Variants in NUP160 observed in about 807,000 individuals in gnomAD.
NUP160 encodes the protein nucleoporin 160.
NUP160 carries 94 observed loss-of-function variants against 196.9 expected under a neutral mutation model. The observed-to-expected ratio is 0.48, with a 90% CI of 0.40 to 0.57. The LOEUF is 0.57. Ranked by LOEUF, NUP160 falls within the 20% of genes least tolerant of loss-of-function variation. The probability of loss-of-function intolerance (pLI) is 0.00; values close to 1 mark genes in which losing one functional copy is unlikely to be tolerated. For synonymous variants in NUP160, 605 were observed against 619.7 expected (o/e 0.98, Z 0.35); for missense variants, 1,638 against 1,748.3 (o/e 0.94, Z 1.13).
chr11:47,778,919 T>C, exon 36 of NUP160: 1 of 512,814 alleles, frequency 2.0e-6, no homozygotes, highest in Non-Finnish European at 3.5e-6. Context: ...GAAATTGTGT[T>C]AGCACCACCA....
intron 18 of NUP160, among the ~76,000 whole-genome samples, chr11:47,807,712 A>C (rs1047769676): frequency 6.6e-6 from 1 of 152,120 alleles, no homozygotes; most frequent in Non-Finnish European, 1.5e-5. Flanking sequence ...GGATTTGGCT[A>C]TAAAGAAGCT....
chr11:47,835,679 A>G (rs1475697831), exon 7 of NUP160: 2 of 1,596,480 alleles, frequency 1.3e-6, no homozygotes, highest in East Asian at 4.5e-5. Context: ...ATGCATGTAT[A>G]TCCCCAGGTA....
intron 10 of NUP160, 88 bp from the exon 11 acceptor site, chr11:47,818,212 A>G (rs2076213050): frequency 1.2e-6 from 1 of 808,940 alleles, no homozygotes; most frequent in Non-Finnish European, 2.1e-6. Flanking sequence ...TTTCTACTAT[A>G]TGAACATTGC....
At chr11:47,780,101 T>C (rs2097659797) in intron 35 of NUP160, among the ~76,000 whole-genome samples, 1 of 152,200 alleles carries the variant, frequency 6.6e-6, no homozygotes, top group Non-Finnish European at 1.5e-5. Flanking sequence ...CTTTAAAGGA[T>C]GGACCGACTG....
At chr11:47,842,611 T>C (rs1201269786) in intron 2 of NUP160, among the ~76,000 whole-genome samples, 1 of 152,160 alleles carries the variant, frequency 6.6e-6, no homozygotes. Flanking sequence ...AGATACCACC[T>C]GCTACCCATG....
chr11:47,830,340 C>T (rs1852048490), intron 7 of NUP160, among the ~76,000 whole-genome samples: 1 of 152,212 alleles, frequency 6.6e-6, no homozygotes, highest in Admixed American at 6.5e-5. Context: ...TACCATTCCA[C>T]TCAGCAATCC....
chr11:47,804,710 CT>C, intron 20 of NUP160, 92 bp from the exon 21 acceptor site: 1 of 799,264 alleles, frequency 1.3e-6, no homozygotes, highest in Non-Finnish European at 1.9e-6. Flanking sequence ...CATAAAATAG[CT>C]TAATTTACAT....
chr11:47,804,538 A>C lies in NUP160; in HGVS notation c.2676+11T>G, dbSNP rs11039402. 0.43 allele frequency: 647,505 copies of C among 1,512,470 alleles called. 144,843 individuals carry two copies. The highest frequency in any genetic ancestry group is 0.53 in the South Asian group (40,129 of 75,936). 93.7% of individuals were successfully genotyped at this position (1,512,470 alleles called of 1,614,324 possible). A position where few individuals can be genotyped will look rare whatever the true frequency, so the allele number is the denominator to read the frequency against. On this transcript the variant is annotated intron_variant, in intron 21 of 35. Coordinates refer to ENST00000378460, the Ensembl canonical transcript of NUP160. ...AGAATGTGTAGACATGAAATGTTCA[A>C]AGGAACTCACCTGCAATTGTACATA...
chr11:47,780,010 G>A lies in NUP160; in HGVS notation c.4221+333C>T, dbSNP rs139614510. On this transcript the variant is annotated intron_variant, in intron 35 of 35. Transcript: ENST00000378460. ...CTTCCAAAGTGCTGGGATTATAGGC[G>A]TGAGCCACTGCGCCCGGCCTATCAT... Among the ~76,000 whole-genome samples, 486 of 152,276 alleles carry A rather than the reference G, an allele frequency of 3.2e-3. 4 individuals carry two copies. The highest frequency in any genetic ancestry group is 0.021 in the East Asian group (111 of 5,194).
intron 2 of NUP160, among the ~76,000 whole-genome samples, chr11:47,846,594 G>T (rs888628771): frequency 3.3e-5 from 5 of 151,984 alleles, no homozygotes; most frequent in South Asian, 2.1e-4. Context: ...TCTTCCAAAG[G>T]TATCTTGAAT....
intron 22 of NUP160, among the ~76,000 whole-genome samples, 163 bp downstream of exon 22, chr11:47,803,275 C>T (rs569800903): frequency 1.2e-4 from 18 of 151,188 alleles, no homozygotes; most frequent in Non-Finnish European, 2.1e-4. Context: ...GAAAGTAGTC[C>T]TTACATGTAT....
rs572108107 is a variant in NUP160 at position 47,824,700 on chromosome 11, A to G, written c.1102-2536T>C. ...GTTACCCAAGCTGCAGTGCAGTGAC[A>G]TGATCGTAGCTCAACGTTAACCTCC... On this transcript the variant is annotated intron_variant, in intron 7 of 35. Coordinates refer to ENST00000378460, the Ensembl canonical transcript of NUP160. Among the ~76,000 whole-genome samples the G allele has an allele frequency of 1.1e-4, 16 of 152,166 alleles. No individual in the cohort carries two copies. The South Asian group carries it at 3.1e-3, about 30-fold the overall frequency.
rs1245239854 is a variant in NUP160, at chr11:47,821,656, G to A, written c.1277+68C>T. ...ATTACAGGCATGAGACACGGCGCCC[G>A]GCCTCTCGTCTTCTTAGCATGAAAT... On this transcript the variant is annotated intron_variant, in intron 9 of 35. Coordinates refer to ENST00000378460, the Ensembl canonical transcript of NUP160. 22 of 1,175,388 alleles carry A rather than the reference G, an allele frequency of 1.9e-5. No individual in the cohort carries two copies. The East Asian group carries it at 2.1e-4, about 11-fold the overall frequency. 72.8% of individuals were successfully genotyped at this position (1,175,388 alleles called of 1,614,324 possible). A position where few individuals can be genotyped will look rare whatever the true frequency, so the allele number is the denominator to read the frequency against.
chr11:47,844,864 C>T (rs1354135243), intron 2 of NUP160, among the ~76,000 whole-genome samples: 2 of 152,142 alleles, frequency 1.3e-5, no homozygotes, highest in African/African-American at 4.8e-5. Context: ...GTCATAAAGA[C>T]CTTGCTGATA....
chr11:47,812,619 A>G (rs2097681815), intron 15 of NUP160, among the ~76,000 whole-genome samples, 190 bp from the exon 16 acceptor site: 1 of 152,190 alleles, frequency 6.6e-6, no homozygotes, highest in Non-Finnish European at 1.5e-5. Context: ...CAACACACAA[A>G]ACAAACATGA....
chr11:47,841,054 G>A (rs1444303947), intron 2 of NUP160, among the ~76,000 whole-genome samples: 1 of 151,740 alleles, frequency 6.6e-6, no homozygotes, highest in East Asian at 1.9e-4. Flanking sequence ...TTATACATGC[G>A]CTTACATGTA....
chr11:47,781,314 G>A (rs1459155164), intron 34 of NUP160, among the ~76,000 whole-genome samples: 1 of 151,512 alleles, frequency 6.6e-6, no homozygotes, highest in African/African-American at 2.4e-5. Context: ...TCAGGCTGGA[G>A]TGTAGTGGCA....
At chr11:47,824,571 C>T (rs901999133) in intron 7 of NUP160, among the ~76,000 whole-genome samples, 1 of 151,662 alleles carries the variant, frequency 6.6e-6, no homozygotes, top group African/African-American at 2.4e-5. Context: ...GATCGCCCCA[C>T]TATACTCCAG....
In NUP160 at chr11:47,821,584, T is replaced by C. The variant is rs1035644621; in HGVS notation, c.1277+140A>G. On this transcript the variant is annotated intron_variant, in intron 9 of 35. Coordinates refer to ENST00000378460, the Ensembl canonical transcript of NUP160. ...TCTGTTGCCCAGCCTGGTCTCGAAC[T>C]CCTGAGCTTAAGTGATTTGCCTGCC... 3 of 629,488 alleles carry C rather than the reference T, an allele frequency of 4.8e-6. No homozygotes were observed. The African/African-American group carries it at 5.5e-5, about 12-fold the overall frequency. 39.0% of individuals were successfully genotyped at this position (629,488 alleles called of 1,614,324 possible).
Sources: allele counts gnomAD v4.1 joint callset (sites outside exome capture counted in the v4.1 genomes callset), GRCh38; gene constraint gnomAD v4.1.1; transcripts MANE v1.5; gene names NCBI Gene and HGNC (gene_info 2026-07-23, HGNC 2026-07-21).